Variants in KCMF1 observed in about 807,000 individuals in gnomAD.
The protein encoded by KCMF1 is E3 ubiquitin-protein ligase KCMF1.
Under a neutral mutation model 41.1 loss-of-function variants are expected in KCMF1, and 3 were observed. That is an observed-to-expected ratio of 0.07 (90% CI 0.03 to 0.19). KCMF1 has a LOEUF of 0.19. Among genes scored for constraint, KCMF1 ranks in the 10% least tolerant of loss-of-function variants. The pLI, the probability that KCMF1 is intolerant of heterozygous loss-of-function variation, is 1.00. For missense variants in KCMF1, 286 were observed against 488.9 expected (o/e 0.58, Z 3.91); for synonymous variants, 142 against 164.5 (o/e 0.86, Z 1.04).
chr2:85,045,678 A>C (rs1257718151), intron 4 of KCMF1, among the ~76,000 whole-genome samples: 1 of 152,214 alleles, frequency 6.6e-6, no homozygotes, highest in Non-Finnish European at 1.5e-5. Flanking sequence ...TGTCATGTTA[A>C]TCTATCTGTG....
chr2:84,974,694 T>TTA (rs1673500823), intron 1 of KCMF1, among the ~76,000 whole-genome samples: 1 of 50,900 alleles, frequency 2.0e-5, no homozygotes, highest in Non-Finnish European at 3.5e-5. Context: ...TATATATATT[T>TTA]TTTTTTTTTT....
At chr2:85,020,721 T>A (rs183890262) in intron 1 of KCMF1, among the ~76,000 whole-genome samples, 10 of 152,332 alleles carry the variant, frequency 6.6e-5, no homozygotes, top group Admixed American at 2.0e-4. Context: ...CCTGAGCCAC[T>A]GCGCCTGACC....
intron 1 of KCMF1, among the ~76,000 whole-genome samples, chr2:85,007,176 G>A (rs1674494222): frequency 6.7e-6 from 1 of 149,018 alleles, no homozygotes; most frequent in Non-Finnish European, 1.5e-5. Flanking sequence ...TCTTTGTTTT[G>A]ATAATCCTCT....
intron 2 of KCMF1, among the ~76,000 whole-genome samples, chr2:85,029,390 C>T (rs1239948868): frequency 6.6e-6 from 1 of 151,810 alleles, no homozygotes; most frequent in Non-Finnish European, 1.5e-5. Flanking sequence ...TGAGATGAGC[C>T]TGGGCAACAT....
At chr2:85,033,135 C>T (rs1189934322) in intron 2 of KCMF1, among the ~76,000 whole-genome samples, 5 of 152,148 alleles carry the variant, frequency 3.3e-5, no homozygotes, top group Non-Finnish European at 7.4e-5. Context: ...AAGTCTTGTG[C>T]ACCTAATAAA....
chr2:85,025,831 G>A (rs1031267769), intron 1 of KCMF1, among the ~76,000 whole-genome samples: 1 of 151,974 alleles, frequency 6.6e-6, no homozygotes, highest in African/African-American at 2.4e-5. Flanking sequence ...CTGTTTTGCA[G>A]TGAAGAAATA....
chr2:85,023,946 C>T (rs1675018656), intron 1 of KCMF1, among the ~76,000 whole-genome samples: 1 of 152,130 alleles, frequency 6.6e-6, no homozygotes, highest in Admixed American at 6.5e-5. Context: ...TCATGCACTT[C>T]TTTGATGACT....
intron 1 of KCMF1, among the ~76,000 whole-genome samples, chr2:85,005,255 G>A (rs1166034461): frequency 6.6e-6 from 1 of 151,070 alleles, no homozygotes; most frequent in East Asian, 2.0e-4. Context: ...TATTTCTAGG[G>A]TACGTACATG....
At chr2:85,052,048 G>C (rs929264085) in intron 6 of KCMF1, among the ~76,000 whole-genome samples, 1 of 152,194 alleles carries the variant, frequency 6.6e-6, no homozygotes, top group Non-Finnish European at 1.5e-5. Context: ...CTTTTAGAAA[G>C]TGATTATTGG....
At chr2:85,030,937 A>G (rs1225333225) in intron 2 of KCMF1, among the ~76,000 whole-genome samples, 1 of 152,162 alleles carries the variant, frequency 6.6e-6, no homozygotes, top group Non-Finnish European at 1.5e-5. Flanking sequence ...GCTCAAAGTG[A>G]TCTGCCTGCC....
Position 85,059,354 on chromosome 2 carries a change from T to C in KCMF1, c.*5945T>C, listed in dbSNP as rs1402053318. The C allele has an allele frequency of 6.6e-6, 1 of 152,182 alleles. No homozygotes were observed. The highest frequency in any genetic ancestry group is 1.5e-5 in the Non-Finnish European group (1 of 68,034). The allele number at this position is 152,182 out of a possible 1,614,324, so 9.4% of individuals were successfully genotyped here. On this transcript the variant is annotated 3_prime_UTR_variant, in exon 7 of 7. Transcript: ENST00000409785. ...ACAGTACTTTAGAATAAATTGCATA[T>C]TGTATCAGGCTCCGAGACTAATTTG...
chr2:84,976,005 A>G (rs373697715), intron 1 of KCMF1, among the ~76,000 whole-genome samples: 5 of 152,214 alleles, frequency 3.3e-5, no homozygotes, highest in African/African-American at 1.2e-4. Context: ...CTAAGTGAAT[A>G]AGATGCAGCT....
intron 1 of KCMF1, among the ~76,000 whole-genome samples, chr2:85,018,267 A>ATTTTTTTTTTTTTT (rs373718008): frequency 7.9e-6 from 1 of 126,890 alleles, no homozygotes; most frequent in Non-Finnish European, 1.6e-5. Context: ...ACTAAGCTAG[A>ATTTTTTTTTTTTTT]TTTTTTTTTT....
chr2:85,002,381 G>A (rs1674356048), intron 1 of KCMF1, among the ~76,000 whole-genome samples: 1 of 152,098 alleles, frequency 6.6e-6, no homozygotes, highest in Non-Finnish European at 1.5e-5. Context: ...ATCATCCTTT[G>A]AACCACCTGC....
At chr2:84,973,530 CATCTGTTG>C (rs1673453804) in intron 1 of KCMF1, among the ~76,000 whole-genome samples, 2 of 152,166 alleles carry the variant, frequency 1.3e-5, no homozygotes, top group Admixed American at 1.3e-4. Context: ...TACCTAAATA[CATCTGTTG>C]AAGACTTATA....
chr2:84,971,746 G>A (rs1314173161), intron 1 of KCMF1, among the ~76,000 whole-genome samples: 1 of 151,196 alleles, frequency 6.6e-6, no homozygotes, highest in Non-Finnish European at 1.5e-5. Flanking sequence ...GGGAGGCGGC[G>A]GGGCCCGTTA....
intron 1 of KCMF1, among the ~76,000 whole-genome samples, chr2:84,994,121 TG>T (rs1674116590): frequency 1.3e-5 from 2 of 151,790 alleles, no homozygotes; most frequent in African/African-American, 4.8e-5. Context: ...CTAATTTTTT[TG>T]TATCTTTGGT....
intron 1 of KCMF1, among the ~76,000 whole-genome samples, chr2:85,008,291 T>TATATAATATGATATAGAATATATATC (rs1486177880): frequency 6.8e-5 from 1 of 14,624 alleles, no homozygotes; most frequent in African/African-American, 1.5e-4. Context: ...TGATATATAA[T>TATATAATATGATATAGAATATATATC]ATATATAATA....
At chr2:85,002,730 T>C (rs955310148) in intron 1 of KCMF1, among the ~76,000 whole-genome samples, 2 of 152,132 alleles carry the variant, frequency 1.3e-5, no homozygotes, top group African/African-American at 2.4e-5. Context: ...ACTGCCTCTT[T>C]GTGATAGCTC....
Sources: allele counts gnomAD v4.1 joint callset (sites outside exome capture counted in the v4.1 genomes callset), GRCh38; gene constraint gnomAD v4.1.1; transcripts MANE v1.5; gene names NCBI Gene and HGNC (gene_info 2026-07-23, HGNC 2026-07-21).